Variants in SHISA6 observed in about 807,000 individuals in gnomAD.
The protein encoded by SHISA6 is shisa family member 6, also known as protein shisa-6.
In SHISA6, 22 loss-of-function variants were observed where a neutral mutation model predicts 47.9. The observed-to-expected ratio is 0.46, with a 90% CI of 0.33 to 0.66. The LOEUF (loss-of-function observed/expected upper bound fraction) is 0.66, where lower values mean the gene tolerates loss of function less well. Among genes scored for constraint, SHISA6 ranks in the 30% least tolerant of loss-of-function variants. SHISA6 has a pLI of 0.02. For synonymous variants in SHISA6, 388 were observed against 337.8 expected (o/e 1.15, Z -1.63); for missense variants, 680 against 764.6 (o/e 0.89, Z 1.30).
rs187020302 is a variant in SHISA6, at chr17:11,320,399, C to A, written c.799+56873C>A. Among the ~76,000 whole-genome samples the A allele has an allele frequency of 6.8e-4, 104 of 152,092 alleles. 1 individual carries two copies. The highest frequency in any genetic ancestry group is 5.8e-3 in the Admixed American group (88 of 15,274). On this transcript the variant is annotated intron_variant, in intron 2 of 5. Coordinates refer to ENST00000441885, the MANE Select transcript of SHISA6 (RefSeq NM_207386.4). ...AAGAGGCTGGGTGCTGTGGCTCATG[C>A]CTGTAATCCCAGCACTTTAGGAGCC...
chr17:11,539,877 A>AG (rs2071818721), intron 3 of SHISA6, among the ~76,000 whole-genome samples: 1 of 152,204 alleles, frequency 6.6e-6, no homozygotes, highest in Non-Finnish European at 1.5e-5. Flanking sequence ...GAGAAGGAGG[A>AG]GGGACTGGTA....
At chr17:11,479,604 G>A (rs978205100) in intron 3 of SHISA6, among the ~76,000 whole-genome samples, 1 of 151,642 alleles carries the variant, frequency 6.6e-6, no homozygotes, top group Non-Finnish European at 1.5e-5. Flanking sequence ...TTCTGCACAT[G>A]TACCCCAGAA....
chr17:11,419,957 A>G, intron 3 of SHISA6, among the ~76,000 whole-genome samples: 1 of 152,222 alleles, frequency 6.6e-6, no homozygotes, highest in East Asian at 1.9e-4. Context: ...TAATCCCAGC[A>G]CTTTGGGAGG....
At chr17:11,503,060 G>A (rs113886282) in intron 3 of SHISA6, among the ~76,000 whole-genome samples, 2 of 152,292 alleles carry the variant, frequency 1.3e-5, no homozygotes, top group African/African-American at 4.8e-5. Flanking sequence ...AAAGATGCTA[G>A]TAAAACTCAC....
chr17:11,293,805 A>G (rs970573564), intron 2 of SHISA6, among the ~76,000 whole-genome samples: 3 of 152,170 alleles, frequency 2.0e-5, no homozygotes, highest in African/African-American at 7.2e-5. Flanking sequence ...CACTTGTGAA[A>G]TGGTTGCAAG....
At chr17:11,501,960 T>A (rs528225235) in intron 3 of SHISA6, among the ~76,000 whole-genome samples, 5 of 152,338 alleles carry the variant, frequency 3.3e-5, no homozygotes, top group East Asian at 3.9e-4. Context: ...AATTCCTTGA[T>A]AACAAATTCC....
intron 2 of SHISA6, among the ~76,000 whole-genome samples, chr17:11,332,034 C>T (rs148303528): frequency 6.8e-6 from 1 of 146,110 alleles, no homozygotes; most frequent in Admixed American, 6.8e-5. Context: ...CTCCCTCCCT[C>T]CCTCCCCCTC....
intron 1 of SHISA6, 55 bp from the exon 2 acceptor site, chr17:11,263,311 A>G: frequency 1.3e-6 from 2 of 1,535,456 alleles, no homozygotes; most frequent in Non-Finnish European, 1.8e-6. Context: ...AACTCCCCTC[A>G]TGGTTGTGCA....
intron 2 of SHISA6, among the ~76,000 whole-genome samples, chr17:11,292,257 G>A (rs1909579465): frequency 6.6e-6 from 1 of 151,990 alleles, no homozygotes; most frequent in African/African-American, 2.4e-5. Flanking sequence ...ATTAACATAT[G>A]AATTTTGTCA....
At chr17:11,454,367 T>C (rs746919638) in intron 3 of SHISA6, among the ~76,000 whole-genome samples, 2 of 152,280 alleles carry the variant, frequency 1.3e-5, no homozygotes, top group Admixed American at 6.5e-5. Context: ...TGCACCCTCT[T>C]CCTACAGCCT....
intron 2 of SHISA6, among the ~76,000 whole-genome samples, chr17:11,353,455 A>G (rs1206383710): frequency 9.1e-6 from 1 of 109,740 alleles, no homozygotes; most frequent in Non-Finnish European, 1.7e-5. Flanking sequence ...GACTCCGTCT[A>G]AAAAAAAAAA....
At chr17:11,265,496 C>G (rs749203026) in intron 2 of SHISA6, among the ~76,000 whole-genome samples, 23 of 152,130 alleles carry the variant, frequency 1.5e-4, no homozygotes, top group Non-Finnish European at 7.4e-5. Context: ...GTTTGAGAGT[C>G]ACTGGGCTGT....
At chr17:11,383,890 C>T (rs1396242994) in intron 3 of SHISA6, among the ~76,000 whole-genome samples, 1 of 152,126 alleles carries the variant, frequency 6.6e-6, no homozygotes, top group Non-Finnish European at 1.5e-5. Flanking sequence ...CACTCAGCCC[C>T]CAACACTGGA....
At chr17:11,311,103 T>A (rs1183728900) in intron 2 of SHISA6, among the ~76,000 whole-genome samples, 7 of 60,298 alleles carry the variant, frequency 1.2e-4, no homozygotes. Context: ...CGAGACTCCA[T>A]CTCAAAAAAA....
At chr17:11,526,957 A>G (rs1259659277) in intron 3 of SHISA6, among the ~76,000 whole-genome samples, 2 of 141,222 alleles carry the variant, frequency 1.4e-5, no homozygotes, top group African/African-American at 2.6e-5. Flanking sequence ...AAATCAGGGT[A>G]TTTAGGCTAT....
intron 1 of SHISA6, among the ~76,000 whole-genome samples, chr17:11,245,754 G>GT (rs1174435256): frequency 1.3e-5 from 2 of 149,116 alleles, no homozygotes; most frequent in Admixed American, 6.7e-5. Flanking sequence ...CAGGGTGGGG[G>GT]GGGTGGATAT....
At chr17:11,351,386 T>G (rs879205828) in intron 2 of SHISA6, among the ~76,000 whole-genome samples, 4 of 152,156 alleles carry the variant, frequency 2.6e-5, no homozygotes, top group Admixed American at 2.6e-4. Flanking sequence ...TCATGTATGG[T>G]TCTCTGAAAA....
Position 11,551,892 on chromosome 17 carries a change from T to C in SHISA6, c.896-4T>C. Reference sequence around the variant, plus strand: ...TTTAAAAATTTCTTTTCTATGATTTTCAGGTGATCATCAATATAACCATCC... The same window carrying C: ...TTTAAAAATTTCTTTTCTATGATTTCCAGGTGATCATCAATATAACCATCC... On this transcript the variant is annotated splice_region_variant and splice_polypyrimidine_tract_variant and intron_variant, in intron 3 of 5. Transcript: ENST00000441885. 1 of 1,551,644 alleles carries C rather than the reference T, an allele frequency of 6.4e-7. No homozygotes were observed. Among genetic ancestry groups the C allele is most frequent in the Non-Finnish European group, 8.7e-7 (1 of 1,146,924 alleles).
At chr17:11,543,243 T>C (rs978956338) in intron 3 of SHISA6, among the ~76,000 whole-genome samples, 2 of 152,186 alleles carry the variant, frequency 1.3e-5, no homozygotes, top group Non-Finnish European at 2.9e-5. Flanking sequence ...TTGTTGAGTG[T>C]AATGTATGTA....
Sources: allele counts gnomAD v4.1 joint callset (sites outside exome capture counted in the v4.1 genomes callset), GRCh38; gene constraint gnomAD v4.1.1; transcripts MANE v1.5; gene names NCBI Gene and HGNC (gene_info 2026-07-23, HGNC 2026-07-21).